Variants in NWD2 observed in about 807,000 individuals in gnomAD.
NWD2 encodes the protein NACHT and WD repeat domain-containing protein 2.
A neutral mutation model predicts 132.7 loss-of-function variants in NWD2; 37 were observed. The ratio of observed to expected loss-of-function variants is 0.28; its 90% CI spans 0.21 to 0.37. The LOEUF (loss-of-function observed/expected upper bound fraction) is 0.37. NWD2 is among the 10% of genes least tolerant of loss of function. The probability of loss-of-function intolerance (pLI) is 1.00; values close to 1 mark genes in which losing one functional copy is unlikely to be tolerated. For synonymous variants in NWD2, 705 were observed against 803.0 expected, an observed-to-expected ratio of 0.88 and a Z score of 2.06; for missense variants, 1,592 against 2,122.4, an observed-to-expected ratio of 0.75 and a Z score of 4.91.
chr4:37,403,654 A>G (rs772332427), intron 3 of NWD2, among the ~76,000 whole-genome samples: 1 of 152,120 alleles, frequency 6.6e-6, no homozygotes, highest in African/African-American at 2.4e-5. Flanking sequence ...ACAAAGCTAT[A>G]ATGCATAGAT....
chr4:37,362,237 C>T (rs930632301), intron 3 of NWD2, among the ~76,000 whole-genome samples: 4 of 152,184 alleles, frequency 2.6e-5, no homozygotes, highest in Admixed American at 2.6e-4. Flanking sequence ...AGTGTTCATT[C>T]TGCCCAAAGC....
intron 3 of NWD2, among the ~76,000 whole-genome samples, chr4:37,410,405 A>AGAAG: frequency 6.6e-6 from 1 of 151,862 alleles, no homozygotes; most frequent in Non-Finnish European, 1.5e-5. Flanking sequence ...AAAGAGAAAA[A>AGAAG]GCCATTACAT....
chr4:37,403,133 C>T (rs1356670655), intron 3 of NWD2, among the ~76,000 whole-genome samples: 1 of 152,166 alleles, frequency 6.6e-6, no homozygotes, highest in African/African-American at 2.4e-5. Context: ...ACTACCCTCT[C>T]TTTTCCAACA....
intron 5 of NWD2, among the ~76,000 whole-genome samples, chr4:37,437,167 G>A (rs1433989457): frequency 6.6e-6 from 1 of 152,106 alleles, no homozygotes; most frequent in African/African-American, 2.4e-5. Context: ...TGACCAGCAT[G>A]TAATTTTTTT....
intron 4 of NWD2, among the ~76,000 whole-genome samples, chr4:37,433,163 ATATT>A (rs1712224593): frequency 7.2e-5 from 11 of 152,230 alleles, no homozygotes; most frequent in Admixed American, 5.9e-4. Flanking sequence ...CTGGGTGAGA[ATATT>A]GGGGTAAACC....
Position 37,448,606 on chromosome 4 carries a change from G to T in NWD2, c.*1389G>T, listed in dbSNP as rs187564648. ...TCAAAAGGTATCCACACTTTTGGTT[G>T]AGTTTAGTTTTCTTAGAAAGTAGAG... On this transcript the variant is annotated 3_prime_UTR_variant, in exon 7 of 7. Transcript: ENST00000309447. 5.3e-5 allele frequency: 8 copies of T among 152,296 alleles called. No homozygotes were observed. Among genetic ancestry groups the T allele is most frequent in the Admixed American group, 5.2e-4 (8 of 15,288 alleles). The allele number at this position is 152,296 out of a possible 1,614,324, so 9.4% of individuals were successfully genotyped here.
chr4:37,258,300 A>G (rs1010298999), intron 1 of NWD2, among the ~76,000 whole-genome samples: 2 of 152,238 alleles, frequency 1.3e-5, no homozygotes, highest in Non-Finnish European at 2.9e-5. Context: ...CTTTCACTGT[A>G]AGTTGATCAT....
chr4:37,299,235 C>T (rs975822770), intron 1 of NWD2, among the ~76,000 whole-genome samples: 2 of 152,110 alleles, frequency 1.3e-5, no homozygotes, highest in African/African-American at 2.4e-5. Flanking sequence ...TGTAAGATCC[C>T]TTGTAGCATG....
intron 1 of NWD2, among the ~76,000 whole-genome samples, chr4:37,312,772 T>C (rs915500501): frequency 1.3e-5 from 2 of 151,122 alleles, no homozygotes; most frequent in African/African-American, 2.5e-5. Flanking sequence ...GGGTTTGTCA[T>C]AGATAGCTCT....
At chr4:37,387,970 T>TA (rs35945696) in intron 3 of NWD2, among the ~76,000 whole-genome samples, 127,866 of 152,048 alleles carry the variant, frequency 0.84, 53,898 homozygotes, top group Non-Finnish European at 0.85. Flanking sequence ...ATTAAATGAT[T>TA]TGTGCCAGGT....
At chr4:37,362,180 A>G (rs183270086) in intron 3 of NWD2, among the ~76,000 whole-genome samples, 42 of 152,358 alleles carry the variant, frequency 2.8e-4, no homozygotes, top group African/African-American at 9.4e-4. Flanking sequence ...GACGCAAACA[A>G]ATGGAAAAAC....
intron 3 of NWD2, among the ~76,000 whole-genome samples, chr4:37,419,722 G>A (rs1341263389): frequency 2.6e-5 from 4 of 152,104 alleles, no homozygotes; most frequent in Non-Finnish European, 5.9e-5. Flanking sequence ...TTAGAAAAAT[G>A]AAAACTTAGA....
rs778751181 is a variant in NWD2, at chr4:37,443,324, G to T, written c.1336G>T (p.Asp446Tyr). 2.6e-6 allele frequency: 4 copies of T among 1,551,608 alleles called. No individual in the cohort carries two copies. ...ACATGAGGACACAGGACCAGAATCT[G>T]ACCCAGTAGTCATCGTGAGATTTCT... ...WLHEDTGPES[D>Y]PVVIVRFLGT... Residue 446 changes from aspartate to tyrosine, a missense_variant, in exon 7 of 7, where the codon GAC becomes TAC. Transcript: ENST00000309447. This position sits in a 1 kb window ranked among gnomAD's most constrained non-coding sequence, Gnocchi z 4.1.
At chr4:37,384,858 G>C (rs1232416808) in intron 3 of NWD2, among the ~76,000 whole-genome samples, 2 of 152,136 alleles carry the variant, frequency 1.3e-5, no homozygotes, top group Non-Finnish European at 2.9e-5. Flanking sequence ...TCTGTGGACA[G>C]AGCCACCCTA....
chr4:37,263,015 C>T (rs1182350462), intron 1 of NWD2, among the ~76,000 whole-genome samples: 1 of 152,238 alleles, frequency 6.6e-6, no homozygotes, highest in South Asian at 2.1e-4. Flanking sequence ...GAGCCGAGAC[C>T]ACCAGTGCTA....
At chr4:37,375,675 T>C (rs1052659187) in intron 3 of NWD2, among the ~76,000 whole-genome samples, 5 of 151,900 alleles carry the variant, frequency 3.3e-5, no homozygotes, top group African/African-American at 9.7e-5. Flanking sequence ...TTCACACCAT[T>C]CTCCTGCCTC....
chr4:37,322,675 G>A lies in NWD2; in HGVS notation c.152-3261G>A, dbSNP rs368943341. Among the ~76,000 whole-genome samples the A allele has an allele frequency of 3.2e-4, 48 of 152,262 alleles. No individual in the cohort carries two copies. In the South Asian group the frequency reaches 9.9e-3, roughly 32 times the overall value. On this transcript the variant is annotated intron_variant, in intron 1 of 6. Coordinates refer to ENST00000309447, the MANE Select transcript of NWD2 (RefSeq NM_001144990.2). ...AAAATCAGTCTGGTTGCTCCATGGA[G>A]AATGAACCAAGGGGCAAGTATGAAA...
intron 3 of NWD2, among the ~76,000 whole-genome samples, chr4:37,391,045 T>C (rs927297727): frequency 2.0e-5 from 3 of 152,208 alleles, no homozygotes; most frequent in African/African-American, 7.2e-5. Context: ...TTTTTTTGTT[T>C]TTCACCAACA....
chr4:37,328,650 G>A (rs1024583447), intron 2 of NWD2, among the ~76,000 whole-genome samples: 2 of 152,032 alleles, frequency 1.3e-5, no homozygotes, highest in African/African-American at 2.4e-5. Context: ...GTCATTGATG[G>A]GCATTTGGGT....
Sources: allele counts gnomAD v4.1 joint callset (sites outside exome capture counted in the v4.1 genomes callset), GRCh38; gene constraint gnomAD v4.1.1; non-coding constraint Gnocchi (gnomAD v3.1); transcripts MANE v1.5; gene names NCBI Gene and HGNC (gene_info 2026-07-23, HGNC 2026-07-21).